The following RBFOX1 variants were observed in gnomAD, a reference collection of about 807,000 sequenced individuals.
RBFOX1 encodes the protein RNA binding protein fox-1 homolog 1.
RBFOX1 carries 8 observed loss-of-function variants against 57.7 expected under a neutral mutation model. The observed-to-expected ratio is 0.14, with a 90% CI of 0.08 to 0.25. The LOEUF (loss-of-function observed/expected upper bound fraction) is 0.25, where lower values mean the gene tolerates loss of function less well. Ranked by LOEUF, RBFOX1 falls within the 10% of genes least tolerant of loss-of-function variation. The pLI, the probability that RBFOX1 is intolerant of heterozygous loss-of-function variation, is 1.00. For missense variants in RBFOX1, 611 were observed against 548.5 expected, an observed-to-expected ratio of 1.11 and a Z score of -1.14; for synonymous variants, 326 against 222.4, an observed-to-expected ratio of 1.47 and a Z score of -4.15.
chr16:6,611,683 G>A lies in RBFOX1; in HGVS notation c.-63-42920G>A, dbSNP rs186031419. Among the ~76,000 whole-genome samples, 22 of 152,222 alleles carry A rather than the reference G, an allele frequency of 1.4e-4. No homozygotes were observed. The East Asian group carries it at 1.9e-3, about 13-fold the overall frequency. On this transcript the variant is annotated intron_variant, in intron 2 of 15. Transcript: ENST00000550418. The stretch of plus-strand genomic sequence containing the variant: ...GCTTTATCAGAGCAAGGATGATTCC[G>A]GCTTACCTTGTCCGTGGCTTCTGGA...
intron 1 of RBFOX1, among the ~76,000 whole-genome samples, chr16:6,026,322 C>T (rs1176252645): frequency 6.6e-6 from 1 of 152,218 alleles, no homozygotes; most frequent in African/African-American, 2.4e-5. Context: ...TGAATTATTC[C>T]ATTTGATGCT....
At position 5,287,399 on chromosome 16, in the gene RBFOX1, A is replaced by G. The variant is rs1433917337; in HGVS notation, c.219+47294A>G. On this transcript the variant is annotated intron_variant, in intron 1 of 2. Transcript: ENST00000585867. ...TAGTGTCAGGCCAAACTAGCTCTAC[A>G]GTCTTATTCATTATAAATAAAGGCA... Among the ~76,000 whole-genome samples, 3 of 152,194 alleles carry G rather than the reference A, an allele frequency of 2.0e-5. No homozygotes were observed. The South Asian group carries it at 6.2e-4, about 32-fold the overall frequency.
chr16:6,094,975 G>A (rs894764944), intron 1 of RBFOX1, among the ~76,000 whole-genome samples: 1 of 152,110 alleles, frequency 6.6e-6, no homozygotes, highest in South Asian at 2.1e-4. Flanking sequence ...CAGGAGAATC[G>A]CTGGAACCCG....
chr16:7,032,952 T>G (rs546827569), intron 3 of RBFOX1, among the ~76,000 whole-genome samples: 57 of 152,270 alleles, frequency 3.7e-4, no homozygotes, highest in African/African-American at 1.3e-3. Context: ...AGCTTCAATT[T>G]GGGAGACAGT....
intron 3 of RBFOX1, among the ~76,000 whole-genome samples, chr16:7,028,371 A>C (rs751635264): frequency 1.3e-5 from 2 of 152,034 alleles, no homozygotes; most frequent in Non-Finnish European, 2.9e-5. Flanking sequence ...GATGGATTTT[A>C]TCTCTCTGAT....
chr16:6,521,752 A>G lies in RBFOX1; in HGVS notation c.-63-132851A>G, dbSNP rs150325875. ...AAATTTCTGGGACTTGACTTTAGAT[A>G]CGCTTTGTAAACATGATTTCTATCT... On this transcript the variant is annotated intron_variant, in intron 2 of 15. Coordinates refer to ENST00000550418, the MANE Select transcript of RBFOX1 (RefSeq NM_018723.4). Among the ~76,000 whole-genome samples, 76 of 152,290 alleles carry G rather than the reference A, an allele frequency of 5.0e-4. 1 individual carries two copies. The highest frequency in any genetic ancestry group is 3.4e-3 in the Middle Eastern group (1 of 292).
chr16:6,959,160 G>A (rs1349486181), intron 3 of RBFOX1, among the ~76,000 whole-genome samples: 1 of 152,054 alleles, frequency 6.6e-6, no homozygotes, highest in Non-Finnish European at 1.5e-5. Context: ...CGATGGATTG[G>A]AAAGCCTGGG....
chr16:7,690,572 A>G (rs1015722807), intron 14 of RBFOX1, among the ~76,000 whole-genome samples: 1 of 152,154 alleles, frequency 6.6e-6, no homozygotes, highest in African/African-American at 2.4e-5. Flanking sequence ...AAAGCAGCAC[A>G]CTAGGGTTTG....
chr16:6,844,578 CTT>C (rs2093661194), intron 3 of RBFOX1, among the ~76,000 whole-genome samples: 1 of 151,676 alleles, frequency 6.6e-6, no homozygotes. Context: ...TTTATCCAGT[CTT>C]TGTCATTGAT....
At chr16:6,998,239 G>A (rs1026536466) in intron 3 of RBFOX1, among the ~76,000 whole-genome samples, 1 of 152,152 alleles carries the variant, frequency 6.6e-6, no homozygotes, top group Non-Finnish European at 1.5e-5. Context: ...TCAAATATTT[G>A]TTGCTAAATA....
intron 4 of RBFOX1, among the ~76,000 whole-genome samples, chr16:7,362,197 A>G (rs60020278): frequency 0.22 from 31,884 of 148,266 alleles, 3,581 homozygotes; most frequent in African/African-American, 0.3. Flanking sequence ...GTGTTTGTGT[A>G]TGATTGTGTT....
intron 10 of RBFOX1, among the ~76,000 whole-genome samples, chr16:7,624,156 C>T (rs578134104): frequency 2.6e-5 from 4 of 152,130 alleles, no homozygotes; most frequent in Non-Finnish European, 5.9e-5. Context: ...TGGCATCAGA[C>T]GCCTACTATG....
chr16:7,184,432 A>C (rs1034376803), intron 4 of RBFOX1, among the ~76,000 whole-genome samples: 2 of 152,158 alleles, frequency 1.3e-5, no homozygotes, highest in Non-Finnish European at 2.9e-5. Flanking sequence ...ATCCACAAAC[A>C]CCTCATGACC....
At chr16:7,480,307 G>C (rs553722348) in intron 4 of RBFOX1, among the ~76,000 whole-genome samples, 1 of 152,246 alleles carries the variant, frequency 6.6e-6, no homozygotes, top group South Asian at 2.1e-4. Context: ...TGTGTTTTCT[G>C]TCAATCCCAG....
At chr16:7,496,003 C>A (rs989378014) in intron 4 of RBFOX1, among the ~76,000 whole-genome samples, 1 of 152,122 alleles carries the variant, frequency 6.6e-6, no homozygotes, top group Non-Finnish European at 1.5e-5. Context: ...AGAGAAGAAG[C>A]TAATAAGAAC....
intron 1 of RBFOX1, among the ~76,000 whole-genome samples, chr16:6,192,116 C>T (rs2097145657): frequency 6.6e-6 from 1 of 152,196 alleles, no homozygotes; most frequent in African/African-American, 2.4e-5. Flanking sequence ...GCTCTCTCCC[C>T]TGTATCAATA....
intron 3 of RBFOX1, among the ~76,000 whole-genome samples, chr16:6,896,067 G>T (rs2066835369): frequency 6.6e-6 from 1 of 152,138 alleles, no homozygotes; most frequent in African/African-American, 2.4e-5. Context: ...GAGCTTAGGA[G>T]TTTGGGACCA....
At chr16:5,698,900 T>C (rs2050932667) in intron 3 of RBFOX1, among the ~76,000 whole-genome samples, 1 of 152,148 alleles carries the variant, frequency 6.6e-6, no homozygotes, top group African/African-American at 2.4e-5. Context: ...TATTGCAATG[T>C]CTTTGTTTTC....
intron 1 of RBFOX1, among the ~76,000 whole-genome samples, chr16:5,291,553 G>A (rs912540911): frequency 7.3e-6 from 1 of 136,182 alleles, no homozygotes; most frequent in Non-Finnish European, 1.6e-5. Context: ...CATGTGTCAC[G>A]CGCCTGGCCG....
Sources: allele counts gnomAD v4.1 joint callset (sites outside exome capture counted in the v4.1 genomes callset), GRCh38; gene constraint gnomAD v4.1.1; transcripts MANE v1.5; gene names NCBI Gene and HGNC (gene_info 2026-07-23, HGNC 2026-07-21).